Variants in DOCK3 observed in about 807,000 individuals in gnomAD.
DOCK3 encodes dedicator of cytokinesis protein 3.
DOCK3 carries 60 observed loss-of-function variants against 265.6 expected under a neutral mutation model. The observed-to-expected ratio is 0.23, with a 90% CI of 0.18 to 0.28. The LOEUF is 0.28. Ranked by LOEUF, DOCK3 falls within the 10% of genes least tolerant of loss-of-function variation. DOCK3 has a pLI of 1.00. For missense variants in DOCK3, 1,981 were observed against 2,594.3 expected (o/e 0.76, Z 5.14); for synonymous variants, 881 against 938.0 (o/e 0.94, Z 1.11).
At chr3:50,858,780 G>A (rs2046753817) in intron 3 of DOCK3, among the ~76,000 whole-genome samples, 1 of 151,912 alleles carries the variant, frequency 6.6e-6, no homozygotes, top group Non-Finnish European at 1.5e-5. Flanking sequence ...TCCCTTTCAG[G>A]GATGCCAATG....
intron 2 of DOCK3, among the ~76,000 whole-genome samples, chr3:50,811,607 C>T (rs746299662): frequency 2.5e-4 from 38 of 152,214 alleles, no homozygotes; most frequent in Non-Finnish European, 2.2e-4. Context: ...CTGGTTGCAT[C>T]TTGTGAAGTT....
chr3:50,788,189 G>T, intron 2 of DOCK3: 1 of 742,948 alleles, frequency 1.3e-6, no homozygotes, highest in Non-Finnish European at 2.1e-6. Flanking sequence ...AAGCTGGATG[G>T]CACTTGCCCA....
chr3:50,994,428 C>G (rs2078211334), intron 5 of DOCK3, among the ~76,000 whole-genome samples: 1 of 152,158 alleles, frequency 6.6e-6, no homozygotes, highest in South Asian at 2.1e-4. Context: ...CTTACCCATT[C>G]ACAGCTATAG....
chr3:51,087,347 G>A (rs972900244), intron 7 of DOCK3, among the ~76,000 whole-genome samples: 2 of 152,154 alleles, frequency 1.3e-5, no homozygotes, highest in African/African-American at 2.4e-5. Context: ...AAATCAATCA[G>A]TGTGATACAT....
chr3:50,779,675 C>T (rs2041817591), intron 2 of DOCK3, among the ~76,000 whole-genome samples: 1 of 152,214 alleles, frequency 6.6e-6, no homozygotes, highest in African/African-American at 2.4e-5. Flanking sequence ...TGAGCCACTG[C>T]GCCTGGCCTA....
At chr3:50,854,247 A>G (rs1317704912) in intron 3 of DOCK3, among the ~76,000 whole-genome samples, 1 of 151,376 alleles carries the variant, frequency 6.6e-6, no homozygotes, top group Non-Finnish European at 1.5e-5. Flanking sequence ...ATTCTTTCCC[A>G]CTCTTAGATT....
At chr3:50,841,743 C>CTTTTTCTTTTTCTTTT in intron 3 of DOCK3, 28 bp downstream of exon 3, 2 of 483,404 alleles carry the variant, frequency 4.1e-6, no homozygotes, top group South Asian at 4.8e-5. Flanking sequence ...GTTACCTTTT[C>CTTTTTCTTTTTCTTTT]TAATGTAGGA....
intron 3 of DOCK3, among the ~76,000 whole-genome samples, chr3:50,853,209 A>G (rs538915163): frequency 6.6e-6 from 1 of 152,130 alleles, no homozygotes; most frequent in East Asian, 1.9e-4. Context: ...GCTTCTGGTA[A>G]CCATCATTGT....
chr3:51,381,456 CTG>C lies in DOCK3; in HGVS notation c.5991_5992del (p.Arg1999AlafsTer16). 1 of 1,603,814 alleles carries C rather than the reference CTG, an allele frequency of 6.2e-7. No individual in the cohort carries two copies. Among genetic ancestry groups the C allele is most frequent in the Non-Finnish European group, 8.5e-7 (1 of 1,175,828 alleles). On this transcript the variant is annotated frameshift_variant, in exon 53 of 53. Transcript: ENST00000266037. LOFTEE classifies it high-confidence loss of function. This position sits in a 1 kb window ranked among gnomAD's most constrained non-coding sequence, Gnocchi z 5.6. ...GAGGGGGTGCTGCTGCGTGAAGAGA[CTG>C]AGAGGCCTCGAGGCCTGCACCGCAA...
At chr3:50,836,939 A>G (rs911120384) in intron 2 of DOCK3, among the ~76,000 whole-genome samples, 3 of 152,228 alleles carry the variant, frequency 2.0e-5, no homozygotes, top group African/African-American at 7.2e-5. Flanking sequence ...TTGCTAAACT[A>G]TAGCAAGAGT....
intron 12 of DOCK3, among the ~76,000 whole-genome samples, chr3:51,201,286 C>G (rs1181076349): frequency 6.7e-6 from 1 of 150,206 alleles, no homozygotes; most frequent in East Asian, 1.9e-4. Context: ...ACCCATCTCA[C>G]GTGCAGAGAC....
At chr3:51,325,554 A>G (rs1338183230) in intron 32 of DOCK3, among the ~76,000 whole-genome samples, 1 of 152,248 alleles carries the variant, frequency 6.6e-6, no homozygotes, top group Non-Finnish European at 1.5e-5. Context: ...CAGCAATCAC[A>G]TTACTGGCTA....
intron 10 of DOCK3, among the ~76,000 whole-genome samples, chr3:51,152,658 G>C (rs1184032712): frequency 6.6e-6 from 1 of 152,172 alleles, no homozygotes; most frequent in Non-Finnish European, 1.5e-5. Context: ...TTTTATGCTG[G>C]TGATCTACAG....
intron 12 of DOCK3, among the ~76,000 whole-genome samples, chr3:51,197,403 G>A (rs536342287): frequency 1.9e-4 from 29 of 152,294 alleles, no homozygotes; most frequent in Non-Finnish European, 3.2e-4. Flanking sequence ...TAGCAGTAGC[G>A]GTAGTGGGAC....
At chr3:51,343,703 C>T (rs2085378311) in intron 38 of DOCK3, among the ~76,000 whole-genome samples, 1 of 152,220 alleles carries the variant, frequency 6.6e-6, no homozygotes, top group African/African-American at 2.4e-5. Context: ...CCCCCAGACC[C>T]ACCATTGTTC....
At chr3:51,094,538 T>C (rs1318435735) in intron 9 of DOCK3, among the ~76,000 whole-genome samples, 1 of 152,136 alleles carries the variant, frequency 6.6e-6, no homozygotes, top group East Asian at 1.9e-4. Flanking sequence ...TTTTATTGTG[T>C]CTATTTCACT....
At chr3:50,970,894 TATATATATATATATATATATATATATATA>T (rs2077188640) in intron 5 of DOCK3, among the ~76,000 whole-genome samples, 1 of 5,664 alleles carries the variant, frequency 1.8e-4, no homozygotes, top group African/African-American at 5.5e-4. Flanking sequence ...CTAATTTTTA[TATATATATATATATATATATATATATATA>T]TATATATATA....
At chr3:51,347,903 T>C (rs2085699992) in intron 38 of DOCK3, among the ~76,000 whole-genome samples, 1 of 152,224 alleles carries the variant, frequency 6.6e-6, no homozygotes, top group Non-Finnish European at 1.5e-5. Context: ...TTGAAGCAAT[T>C]GTGAATGGGA....
rs1187200346 is a variant in DOCK3, at chr3:51,341,281, G to A, written c.3811G>A (p.Glu1271Lys). 4 of 1,608,306 alleles carry A rather than the reference G, an allele frequency of 2.5e-6. No individual in the cohort carries two copies. Among genetic ancestry groups the A allele is most frequent in the African/African-American group, 2.7e-5 (2 of 74,922 alleles). The part of the protein sequence containing the change: ...LLLYCELLQW[E>K]DRPLREFLHY... ...CCTTTACTGTGAGCTGCTGCAGTGG[G>A]AGGACCGGCCACTACGGGAATTCCT... Residue 1271 changes from glutamate (E) to lysine (K), a missense_variant, in exon 38 of 53, where the codon GAG becomes AAG. By Grantham distance (56) the Glu-to-Lys change is moderately conservative (BLOSUM62 1). Transcript: ENST00000266037.
Sources: allele counts gnomAD v4.1 joint callset (sites outside exome capture counted in the v4.1 genomes callset), GRCh38; gene constraint gnomAD v4.1.1; non-coding constraint Gnocchi (gnomAD v3.1); transcripts MANE v1.5; gene names NCBI Gene and HGNC (gene_info 2026-07-23, HGNC 2026-07-21).